Variants in PCDHGB3 observed in about 807,000 individuals in gnomAD.
PCDHGB3 encodes the protein protocadherin gamma-B3.
PCDHGB3 carries 40 observed loss-of-function variants against 59.2 expected under a neutral mutation model. The observed-to-expected ratio is 0.68, with a 90% confidence interval of 0.52 to 0.88. The LOEUF is 0.88. Ranked by LOEUF, PCDHGB3 falls within the 40% of genes least tolerant of loss-of-function variation. The pLI is 0.00. For missense variants in PCDHGB3, 1,309 were observed against 1,187.9 expected (o/e 1.10, Z -1.50); for synonymous variants, 581 against 503.6 (o/e 1.15, Z -2.06).
At chr5:141,422,480 G>A in intron 1 of PCDHGB3, 2 of 1,613,906 alleles carry the variant, frequency 1.2e-6, no homozygotes, top group South Asian at 2.2e-5. Flanking sequence ...TTGGTCCAGA[G>A]CTACAATATA....
At chr5:141,396,447 C>T (rs1200125693) in intron 1 of PCDHGB3, 2 of 152,068 alleles carry the variant, frequency 1.3e-5, no homozygotes, top group South Asian at 2.1e-4. Flanking sequence ...GGTGAAACCC[C>T]GTCTCTACTA....
chr5:141,473,431 G>A (rs541546681), intron 1 of PCDHGB3, among the ~76,000 whole-genome samples: 10 of 152,266 alleles, frequency 6.6e-5, no homozygotes, highest in Non-Finnish European at 1.3e-4. Flanking sequence ...CAGATACTTT[G>A]CTTATGCAAA....
At chr5:141,427,599 C>T (rs1233253295) in intron 1 of PCDHGB3, 3 of 682,980 alleles carry the variant, frequency 4.4e-6, no homozygotes, top group South Asian at 3.0e-5. Flanking sequence ...CCTCACCCTA[C>T]GCATTGGTGA....
chr5:141,377,635 A>G (rs561038965), intron 1 of PCDHGB3: 1 of 151,932 alleles, frequency 6.6e-6, no homozygotes, highest in African/African-American at 2.4e-5. Flanking sequence ...GTTTTTTCTC[A>G]GTGTTACTTG....
rs779542409 is a variant in PCDHGB3, at chr5:141,392,788, T to G, written c.2415+19979T>G. The G allele has an allele frequency of 3.9e-6, 6 of 1,553,762 alleles. No individual in the cohort carries two copies. The East Asian group carries it at 1.1e-4, about 30-fold the overall frequency. On this transcript the variant is annotated intron_variant, in intron 1 of 3. Coordinates refer to ENST00000576222, the MANE Select transcript of PCDHGB3 (RefSeq NM_018924.5). ...ACCCATTTATGCACAGTGAAGATTC[T>G]GAGAGGATTCTGCAGCAAAACAACA...
intron 1 of PCDHGB3, chr5:141,410,202 A>C (rs766392835): frequency 1.3e-5 from 21 of 1,614,018 alleles, no homozygotes; most frequent in Non-Finnish European, 1.6e-5. Context: ...TTCGCAGACA[A>C]CTTGCAAGAG....
At chr5:141,443,475 G>T (rs994058112) in intron 1 of PCDHGB3, among the ~76,000 whole-genome samples, 1 of 152,148 alleles carries the variant, frequency 6.6e-6, no homozygotes, top group African/African-American at 2.4e-5. Flanking sequence ...GACAGAATTA[G>T]ACCCTGTCCC....
chr5:141,389,010 C>T (rs141101630), intron 1 of PCDHGB3: 2 of 1,613,862 alleles, frequency 1.2e-6, no homozygotes, highest in African/African-American at 2.7e-5. Flanking sequence ...GGATTCCAGA[C>T]ACAATGGAGA....
At chr5:141,398,249 T>C (rs1462140853) in intron 1 of PCDHGB3, 2 of 1,470,902 alleles carry the variant, frequency 1.4e-6, no homozygotes, top group Non-Finnish European at 1.8e-6. Context: ...CCCGAGGAAA[T>C]GCCCAAGGGC....
intron 1 of PCDHGB3, chr5:141,468,632 C>G (rs1385644482): frequency 6.6e-6 from 1 of 151,628 alleles, no homozygotes; most frequent in Non-Finnish European, 1.5e-5. Context: ...TTTGGGAGGC[C>G]GAGGTGGGCG....
chr5:141,414,723 C>A (rs775890033), intron 1 of PCDHGB3: 2 of 1,614,170 alleles, frequency 1.2e-6, no homozygotes, highest in South Asian at 2.2e-5. Flanking sequence ...CAGACACTGG[C>A]GTCCTGTATG....
intron 1 of PCDHGB3, chr5:141,424,079 C>A: frequency 3.1e-6 from 3 of 973,190 alleles, no homozygotes; most frequent in African/African-American, 1.8e-5. Context: ...TAGTTATATT[C>A]CACCATTATT....
chr5:141,374,511 T>C (rs1235970803), intron 1 of PCDHGB3: 45 of 1,611,794 alleles, frequency 2.8e-5, no homozygotes, highest in Non-Finnish European at 3.7e-5. Context: ...GTGAAAATTC[T>C]CGAAAACGCA....
chr5:141,382,789 T>C (rs1778438315), intron 1 of PCDHGB3: 4 of 924,532 alleles, frequency 4.3e-6, no homozygotes, highest in African/African-American at 3.3e-5. Context: ...CAAGCCTCTA[T>C]CCTGCTGGAT....
chr5:141,398,557 G>A, intron 1 of PCDHGB3: 1 of 1,613,916 alleles, frequency 6.2e-7, no homozygotes. Flanking sequence ...GCAAATAAGT[G>A]AGTCTGCACA....
intron 2 of PCDHGB3, among the ~76,000 whole-genome samples, chr5:141,495,834 C>T (rs1366861675): frequency 6.6e-6 from 1 of 152,198 alleles, no homozygotes; most frequent in African/African-American, 2.4e-5. Context: ...CTATCCCCAG[C>T]CTCTATGTTT....
chr5:141,465,881 G>T (rs1000308014), intron 1 of PCDHGB3, among the ~76,000 whole-genome samples: 1 of 151,960 alleles, frequency 6.6e-6, no homozygotes, highest in African/African-American at 2.4e-5. Flanking sequence ...CCAGCACTTT[G>T]GGAGGCCGAG....
At chr5:141,376,374 G>C (rs561821467) in intron 1 of PCDHGB3, 10 of 1,614,072 alleles carry the variant, frequency 6.2e-6, no homozygotes, top group African/African-American at 2.7e-5. Flanking sequence ...GCAGACTCGC[G>C]TAAGAGTCAT....
Position 141,415,348 on chromosome 5 carries a change from A to G in PCDHGB3, c.2415+42539A>G, listed in dbSNP as rs561851810. ...GGCGCACAGGCTGCGGCGCTGGCAC[A>G]AGTCACGCCTGCTGCAGGCTTCAGG... On this transcript the variant is annotated intron_variant, in intron 1 of 3. Transcript: ENST00000576222. The G allele has an allele frequency of 3.1e-6, 5 of 1,614,222 alleles. 1 individual carries two copies. The highest frequency in any genetic ancestry group is 1.6e-4 in the Middle Eastern group (1 of 6,062).
Sources: gnomAD v4.1 joint callset for allele counts (sites outside exome capture counted in the v4.1 genomes callset) on GRCh38, gnomAD v4.1.1 for gene constraint, MANE v1.5 for transcripts, NCBI Gene and HGNC (gene_info 2026-07-23, HGNC 2026-07-21) for gene names.